Variants in CSMD1 observed in about 807,000 individuals in gnomAD.
CSMD1 encodes the protein CUB and sushi domain-containing protein 1.
In CSMD1, 213 loss-of-function variants were observed where a neutral mutation model predicts 417.5. The observed-to-expected ratio is 0.51, with a 90% CI of 0.46 to 0.57. The LOEUF (loss-of-function observed/expected upper bound fraction) is 0.57, where lower values mean the gene tolerates loss of function less well. Among genes scored for constraint, CSMD1 ranks in the 20% least tolerant of loss-of-function variants. CSMD1 has a pLI of 0.00. For synonymous variants in CSMD1, 2,862 were observed against 1,736.8 expected (o/e 1.65, Z -16.11); for missense variants, 6,923 against 4,529.7 (o/e 1.53, Z -15.17).
chr8:4,917,934 T>C (rs907005175), intron 1 of CSMD1, among the ~76,000 whole-genome samples: 1 of 152,194 alleles, frequency 6.6e-6, no homozygotes, highest in African/African-American at 2.4e-5. Context: ...CAATCAGAAG[T>C]TGATACAGAA....
rs955611202 is a variant in CSMD1, at chr8:4,006,766, C to T, written c.611-8656G>A. Among the ~76,000 whole-genome samples, 94 of 151,084 alleles carry T rather than the reference C, an allele frequency of 6.2e-4. 1 individual carries two copies. Among genetic ancestry groups the T allele is most frequent in the Middle Eastern group, 3.5e-3 (1 of 284 alleles). Reference sequence around the variant, plus strand: ...AGAAGGAACTCACCACTATTTATTACGGCTTATATCACCATTCATATTTCT... The same window carrying T: ...AGAAGGAACTCACCACTATTTATTATGGCTTATATCACCATTCATATTTCT... On this transcript the variant is annotated intron_variant, in intron 4 of 69. Transcript: ENST00000635120.
intron 6 of CSMD1, among the ~76,000 whole-genome samples, chr8:3,733,938 C>T (rs568978921): frequency 6.6e-6 from 1 of 152,170 alleles, no homozygotes; most frequent in East Asian, 1.9e-4. Context: ...ACAGTTTCGG[C>T]CATCCACTGG....
chr8:4,634,683 G>A (rs181927799), intron 2 of CSMD1, among the ~76,000 whole-genome samples: 1 of 152,258 alleles, frequency 6.6e-6, no homozygotes, highest in East Asian at 1.9e-4. Context: ...ACTGTTTCAA[G>A]GCATAATGGG....
intron 7 of CSMD1, among the ~76,000 whole-genome samples, chr8:3,704,557 A>T (rs760314394): frequency 2.0e-5 from 3 of 152,206 alleles, no homozygotes; most frequent in Non-Finnish European, 4.4e-5. Flanking sequence ...GTTTCTCATA[A>T]AAGCTTTGTA....
intron 10 of CSMD1, among the ~76,000 whole-genome samples, chr8:3,509,924 G>A (rs762922587): frequency 1.3e-5 from 2 of 152,144 alleles, no homozygotes; most frequent in African/African-American, 4.8e-5. Context: ...CAACGCTTAA[G>A]TTGCTGGCAT....
At chr8:3,570,284 G>A (rs1245158970) in intron 10 of CSMD1, among the ~76,000 whole-genome samples, 1 of 152,194 alleles carries the variant, frequency 6.6e-6, no homozygotes, top group Non-Finnish European at 1.5e-5. Flanking sequence ...TGTCTGGCTT[G>A]CCTGGATGTG....
At chr8:4,179,434 G>A (rs946180864) in intron 3 of CSMD1, among the ~76,000 whole-genome samples, 1 of 151,856 alleles carries the variant, frequency 6.6e-6, no homozygotes. Flanking sequence ...AATTCAAGAT[G>A]GATTAAAGAC....
chr8:4,060,873 C>G (rs1196210347), intron 3 of CSMD1, among the ~76,000 whole-genome samples: 1 of 151,988 alleles, frequency 6.6e-6, no homozygotes, highest in Non-Finnish European at 1.5e-5. Flanking sequence ...AGGAAGAAAA[C>G]AAAGGCAAAA....
rs7816672 is a variant in CSMD1, at chr8:4,244,696, C to G, written c.415+175257G>C. Among the ~76,000 whole-genome samples, 1,467 of 152,096 alleles carry G rather than the reference C, an allele frequency of 9.6e-3. 18 individuals carry two copies. Among genetic ancestry groups the G allele is most frequent in the African/African-American group, 0.033 (1,363 of 41,472 alleles). On this transcript the variant is annotated intron_variant, in intron 3 of 69. Coordinates refer to ENST00000635120, the MANE Select transcript of CSMD1 (RefSeq NM_033225.6). ...AATTGTGTTATTTTCACACATCATT[C>G]CTCTATGTCTAGAAAACTCAGTTAC...
intron 1 of CSMD1, among the ~76,000 whole-genome samples, chr8:4,686,466 C>T (rs1229899156): frequency 1.3e-5 from 2 of 152,216 alleles, no homozygotes; most frequent in African/African-American, 4.8e-5. Context: ...GAGAGGGGGC[C>T]TCCCCATACC....
chr8:4,119,950 T>G (rs1178486092), intron 3 of CSMD1, among the ~76,000 whole-genome samples: 1 of 3,944 alleles, frequency 2.5e-4, no homozygotes, highest in East Asian at 0.038. Flanking sequence ...TTAATAGGTA[T>G]CAAAAAAATT....
intron 1 of CSMD1, among the ~76,000 whole-genome samples, chr8:4,798,830 A>G (rs546965846): frequency 6.6e-6 from 1 of 152,364 alleles, no homozygotes; most frequent in African/African-American, 2.4e-5. Context: ...TTGGCTGCCT[A>G]AAGTTTCATA....
At chr8:3,914,059 G>C (rs1268000897) in intron 5 of CSMD1, among the ~76,000 whole-genome samples, 1 of 152,084 alleles carries the variant, frequency 6.6e-6, no homozygotes, top group African/African-American at 2.4e-5. Context: ...ATATTAAGTG[G>C]AAATGATCAC....
chr8:4,874,499 C>G (rs529098569), intron 1 of CSMD1, among the ~76,000 whole-genome samples: 1 of 150,946 alleles, frequency 6.6e-6, no homozygotes, highest in Admixed American at 6.6e-5. Flanking sequence ...AAGCAGTTCT[C>G]CTGCCTCAGC....
intron 3 of CSMD1, among the ~76,000 whole-genome samples, chr8:4,132,211 TTTTTC>T (rs1436399500): frequency 1.8e-3 from 106 of 58,810 alleles, no homozygotes; most frequent in East Asian, 5.4e-3. Flanking sequence ...TTTTTTTTTT[TTTTTC>T]ACGGGGTAGT....
chr8:4,462,637 C>T (rs541124028), intron 2 of CSMD1, among the ~76,000 whole-genome samples: 1 of 152,264 alleles, frequency 6.6e-6, no homozygotes, highest in Non-Finnish European at 1.5e-5. Flanking sequence ...TTGCATTAGA[C>T]ACATGGATTA....
At chr8:3,666,232 C>T (rs1415546299) in intron 7 of CSMD1, among the ~76,000 whole-genome samples, 1 of 152,012 alleles carries the variant, frequency 6.6e-6, no homozygotes, top group African/African-American at 2.4e-5. Context: ...CCCCACCACA[C>T]TGGTGAGACT....
At chr8:3,956,952 T>C (rs1484132215) in intron 5 of CSMD1, among the ~76,000 whole-genome samples, 3 of 152,162 alleles carry the variant, frequency 2.0e-5, no homozygotes, top group Non-Finnish European at 4.4e-5. Context: ...TATTACTTTT[T>C]CTATACGGAA....
intron 2 of CSMD1, among the ~76,000 whole-genome samples, chr8:4,438,585 C>A (rs954982272): frequency 6.6e-6 from 1 of 152,126 alleles, no homozygotes; most frequent in Non-Finnish European, 1.5e-5. Context: ...GAGCCCTGCA[C>A]AGTCACATTG....
Sources: allele counts gnomAD v4.1 joint callset (sites outside exome capture counted in the v4.1 genomes callset), GRCh38; gene constraint gnomAD v4.1.1; transcripts MANE v1.5; gene names NCBI Gene and HGNC (gene_info 2026-07-23, HGNC 2026-07-21).